Variants in PTGER4 observed in about 807,000 individuals in gnomAD.
The protein encoded by PTGER4 is prostaglandin E receptor 4, also known as prostaglandin E2 receptor EP4 subtype.
In PTGER4, 11 loss-of-function variants were observed where a neutral mutation model predicts 33.2. The observed-to-expected ratio is 0.33, with a 90% CI of 0.21 to 0.55. PTGER4 has a LOEUF of 0.55. Among genes scored for constraint, PTGER4 ranks in the 20% least tolerant of loss-of-function variants. The probability of loss-of-function intolerance (pLI) is 0.92; values close to 1 mark genes in which losing one functional copy is unlikely to be tolerated. For missense variants in PTGER4, 481 were observed against 650.2 expected, an observed-to-expected ratio of 0.74 and a Z score of 2.83; for synonymous variants, 275 against 281.5, an observed-to-expected ratio of 0.98 and a Z score of 0.23.
chr5:40,738,539 C>CAATAA, the PTGER4 span, among the ~76,000 whole-genome samples: 826 of 67,382 alleles, frequency 0.012, 32 homozygotes, highest in African/African-American at 0.036. Flanking sequence ...CAATAAAATA[C>CAATAA]AATAAAATAA....
At chr5:40,738,524 AAATACAATAAAATAC>A in the PTGER4 span, among the ~76,000 whole-genome samples, 2 of 98,004 alleles carry the variant, frequency 2.0e-5, no homozygotes, top group South Asian at 3.8e-4. Context: ...CAATAAAATA[AAATACAATAAAATAC>A]AATAAAATAA....
At chr5:40,741,308 A>T in the PTGER4 span, among the ~76,000 whole-genome samples, 1 of 152,118 alleles carries the variant, frequency 6.6e-6, no homozygotes, top group African/African-American at 2.4e-5. Flanking sequence ...TTCTACTAAG[A>T]AATAACCCCC....
chr5:40,701,738 T>C, the PTGER4 span, among the ~76,000 whole-genome samples: 1 of 152,152 alleles, frequency 6.6e-6, no homozygotes, highest in Non-Finnish European at 1.5e-5. Flanking sequence ...CATCAGATTT[T>C]CCAAGGTTGA....
At chr5:40,711,529 C>T in the PTGER4 span, among the ~76,000 whole-genome samples, 1 of 151,998 alleles carries the variant, frequency 6.6e-6, no homozygotes, top group Admixed American at 6.6e-5. Flanking sequence ...AATTCCATCC[C>T]TAGGTATTTA....
chr5:40,716,168 A>G, the PTGER4 span: 1 of 1,607,912 alleles, frequency 6.2e-7, no homozygotes, highest in Non-Finnish European at 8.5e-7. Context: ...ATAAAAACAG[A>G]GCCATCTGGT....
the PTGER4 span, among the ~76,000 whole-genome samples, chr5:40,728,947 C>T: frequency 1.3e-5 from 2 of 152,072 alleles, no homozygotes; most frequent in Non-Finnish European, 2.9e-5. Flanking sequence ...CATTTCAAAC[C>T]ATACATACTA....
chr5:40,712,320 T>A, the PTGER4 span, among the ~76,000 whole-genome samples: 1 of 152,192 alleles, frequency 6.6e-6, no homozygotes, highest in Non-Finnish European at 1.5e-5. Flanking sequence ...TGGTTTTTAA[T>A]ATATCTCATG....
chr5:40,680,307 CTGACCTCGG>C lies in PTGER4; in HGVS notation c.-212_-204del, dbSNP rs1262211540. On this transcript the variant is annotated 5_prime_UTR_variant, in exon 1 of 3. Transcript: ENST00000302472. This position sits in a 1 kb window ranked among gnomAD's most constrained non-coding sequence, Gnocchi z 5.5. ...CCCAAGTTTTTGAAAGCTGGCAACT[CTGACCTCGG>C]TGTCCAAAAATCGACAGCCACTGAG... 2.0e-5 allele frequency: 3 copies of C among 152,856 alleles called. No individual in the cohort carries two copies. The highest frequency in any genetic ancestry group is 7.2e-5 in the African/African-American group (3 of 41,496). The allele number at this position is 152,856 out of a possible 1,614,324, so 9.5% of individuals were successfully genotyped here.
chr5:40,741,580 C>T, the PTGER4 span, among the ~76,000 whole-genome samples: 210 of 152,306 alleles, frequency 1.4e-3, no homozygotes, highest in Non-Finnish European at 2.5e-3. Flanking sequence ...CAACTTCTAG[C>T]TGTGTCAGCC....
At chr5:40,730,530 T>C in the PTGER4 span, among the ~76,000 whole-genome samples, 5 of 152,274 alleles carry the variant, frequency 3.3e-5, no homozygotes, top group Non-Finnish European at 7.4e-5. Flanking sequence ...ACCACCACCA[T>C]TCATCTCCAG....
At chr5:40,725,977 G>C in the PTGER4 span, among the ~76,000 whole-genome samples, 52 of 151,628 alleles carry the variant, frequency 3.4e-4, no homozygotes, top group South Asian at 8.3e-4. Context: ...AGTAGAGACG[G>C]GGTTTCACCG....
At chr5:40,728,440 G>A in the PTGER4 span, 1 of 1,613,550 alleles carries the variant, frequency 6.2e-7, no homozygotes, top group Non-Finnish European at 8.5e-7. Context: ...TCTGCTGCAT[G>A]TACTGCTGGG....
intron 2 of PTGER4, among the ~76,000 whole-genome samples, chr5:40,686,642 T>C (rs1741329809): frequency 1.3e-5 from 2 of 152,222 alleles, no homozygotes; most frequent in African/African-American, 4.8e-5. Flanking sequence ...TGTCACCACA[T>C]CTTCTTCTGA....
At chr5:40,735,824 G>A in the PTGER4 span, among the ~76,000 whole-genome samples, 52,046 of 152,028 alleles carry the variant, frequency 0.34, 10,018 homozygotes, top group Admixed American at 0.45. Flanking sequence ...CAACAGAGAA[G>A]TGATGACTGG....
chr5:40,681,962 C>A lies in PTGER4; in HGVS notation c.867+102C>A. ...TTCCCTCTGAGTCCTTGGCAGTGAA[C>A]GTGTCGCCTTTAGGTCGGGGCTGGG... On this transcript the variant is annotated intron_variant, in intron 2 of 2. Transcript: ENST00000302472. The surrounding 1 kb of genome is among the most constrained non-coding windows in gnomAD (Gnocchi z 9.8). 1.5e-6 allele frequency: 2 copies of A among 1,367,938 alleles called. No individual in the cohort carries two copies. The highest frequency in any genetic ancestry group is 3.1e-5 in the South Asian group (2 of 64,874). 84.7% of individuals were successfully genotyped at this position (1,367,938 alleles called of 1,614,324 possible). A position where few individuals can be genotyped will look rare whatever the true frequency, so the allele number is the denominator to read the frequency against.
downstream of PTGER4, among the ~76,000 whole-genome samples, chr5:40,698,092 CAAAA>C (rs1156254550): frequency 2.5e-5 from 1 of 40,050 alleles, no homozygotes; most frequent in South Asian, 1.8e-3. Flanking sequence ...CCTGTCTCTA[CAAAA>C]AAAAAAAAAA....
rs574743547 is a variant in PTGER4, at chr5:40,682,472, TAC to T, written c.867+616_867+617del. On this transcript the variant is annotated intron_variant, in intron 2 of 2. Coordinates refer to ENST00000302472, the MANE Select transcript of PTGER4 (RefSeq NM_000958.3). The stretch of plus-strand genomic sequence containing the variant: ...ACGCTTAAAATAATCCAGCCGAACC[TAC>T]ACAGTCAAGCTAGGCTCCCTGCTCT... Among the ~76,000 whole-genome samples, 159 of 152,328 alleles carry T rather than the reference TAC, an allele frequency of 1.0e-3. 1 individual carries two copies. Among genetic ancestry groups the T allele is most frequent in the African/African-American group, 3.7e-3 (154 of 41,580 alleles).
chr5:40,726,077 G>A, the PTGER4 span, among the ~76,000 whole-genome samples: 17 of 151,528 alleles, frequency 1.1e-4, no homozygotes, highest in Middle Eastern at 3.4e-3. Flanking sequence ...GAGCCACCGC[G>A]CCTGGCTTCA....
the PTGER4 span, among the ~76,000 whole-genome samples, chr5:40,716,868 T>C: frequency 6.6e-6 from 1 of 152,336 alleles, no homozygotes; most frequent in South Asian, 2.1e-4. Context: ...ATCTTTGAAG[T>C]TAACAGTTTA....
Sources: allele counts gnomAD v4.1 joint callset (sites outside exome capture counted in the v4.1 genomes callset), GRCh38; gene constraint gnomAD v4.1.1; non-coding constraint Gnocchi (gnomAD v3.1); transcripts MANE v1.5; gene names NCBI Gene and HGNC (gene_info 2026-07-23, HGNC 2026-07-21).